The following SASS6 variants were observed in gnomAD, a reference collection of about 807,000 sequenced individuals.
SASS6 encodes spindle assembly abnormal protein 6 homolog.
SASS6 carries 59 observed loss-of-function variants against 94.9 expected under a neutral mutation model. The observed-to-expected ratio is 0.62, with a 90% CI of 0.50 to 0.77. The LOEUF (loss-of-function observed/expected upper bound fraction) is 0.77, where lower values mean the gene tolerates loss of function less well. Among genes scored for constraint, SASS6 ranks in the 30% least tolerant of loss-of-function variants. The probability of loss-of-function intolerance (pLI) is 0.00; values close to 1 mark genes in which losing one functional copy is unlikely to be tolerated. For synonymous variants in SASS6, 264 were observed against 270.0 expected, an observed-to-expected ratio of 0.98 and a Z score of 0.22; for missense variants, 698 against 734.1, an observed-to-expected ratio of 0.95 and a Z score of 0.57.
intron 12 of SASS6, among the ~76,000 whole-genome samples, chr1:100,106,371 T>C (rs1188884929): frequency 6.6e-6 from 1 of 152,188 alleles, no homozygotes; most frequent in African/African-American, 2.4e-5. Context: ...TTCAACAGTT[T>C]TAATTGTGGG....
intron 6 of SASS6, among the ~76,000 whole-genome samples, chr1:100,119,664 A>G (rs1263607115): frequency 1.3e-5 from 2 of 152,206 alleles, no homozygotes; most frequent in African/African-American, 4.8e-5. Flanking sequence ...CTTGGTGTTA[A>G]GCAAGTTCTC....
chr1:100,089,313 A>G (rs1355502675), intron 14 of SASS6, among the ~76,000 whole-genome samples: 4 of 152,154 alleles, frequency 2.6e-5, no homozygotes, highest in Non-Finnish European at 5.9e-5. Flanking sequence ...AGGAACACCA[A>G]AAAAGAGAAC....
At position 100,105,809 on chromosome 1, in the gene SASS6, G is replaced by A. The variant is rs549534444; in HGVS notation, c.1503C>T (p.Ser501=). 7 of 1,613,104 alleles carry A rather than the reference G, an allele frequency of 4.3e-6. No individual in the cohort carries two copies. Among genetic ancestry groups the A allele is most frequent in the Non-Finnish European group, 5.1e-6 (6 of 1,179,512 alleles). The change falls in exon 13 of 17, where the codon AGC becomes AGT. Residue 501 remains serine (S), a synonymous_variant. Transcript: ENST00000287482. ...GPSTTPPAHS[S]SNTIRSGISP... ...AAATTCCACTTCTGATTGTGTTGCTGCTGGAATGTGCAGGCGGAGTAGTAG... is the reference window on the plus strand; with the variant it reads ...AAATTCCACTTCTGATTGTGTTGCTACTGGAATGTGCAGGCGGAGTAGTAG...
At chr1:100,103,226 C>T in intron 13 of SASS6, 143 bp from the exon 14 acceptor site, 1 of 558,726 alleles carries the variant, frequency 1.8e-6, no homozygotes. Context: ...TATCATGCCA[C>T]ACAACTCTGC....
chr1:100,092,473 T>C (rs964789997), intron 14 of SASS6, among the ~76,000 whole-genome samples: 2 of 152,158 alleles, frequency 1.3e-5, no homozygotes, highest in African/African-American at 4.8e-5. Flanking sequence ...GTAGAAGAAC[T>C]TAGAATACCA....
chr1:100,121,224 C>G (rs1374940265), intron 5 of SASS6, among the ~76,000 whole-genome samples, 154 bp downstream of exon 5: 1 of 152,104 alleles, frequency 6.6e-6, no homozygotes, highest in East Asian at 1.9e-4. Flanking sequence ...CCCGACTATA[C>G]CTTGACTAAA....
intron 14 of SASS6, among the ~76,000 whole-genome samples, chr1:100,089,468 A>T (rs577107562): frequency 6.6e-6 from 1 of 152,292 alleles, no homozygotes; most frequent in South Asian, 2.1e-4. Flanking sequence ...CTTGTTGAAA[A>T]TGAATGATAA....
chr1:100,128,867 T>G (rs1654818148), intron 1 of SASS6, among the ~76,000 whole-genome samples: 1 of 152,188 alleles, frequency 6.6e-6, no homozygotes, highest in Non-Finnish European at 1.5e-5. Flanking sequence ...AGCTGTGCTC[T>G]TAAACTATCA....
At chr1:100,100,711 G>A (rs1652414152) in intron 14 of SASS6, among the ~76,000 whole-genome samples, 1 of 152,138 alleles carries the variant, frequency 6.6e-6, no homozygotes, top group South Asian at 2.1e-4. Flanking sequence ...TAAGACATCA[G>A]GAAGATCACA....
At chr1:100,102,181 A>G (rs56804891) in intron 14 of SASS6, among the ~76,000 whole-genome samples, 5,011 of 152,220 alleles carry the variant, frequency 0.033, 298 homozygotes, top group African/African-American at 0.11. Flanking sequence ...AAATATATCA[A>G]GGGTTGGGGG....
chr1:100,115,197 C>T (rs946550326), intron 7 of SASS6, among the ~76,000 whole-genome samples: 2 of 152,016 alleles, frequency 1.3e-5, no homozygotes, highest in Non-Finnish European at 2.9e-5. Flanking sequence ...CTCTTAGAAA[C>T]AGTATGTAAA....
chr1:100,129,041 C>G (rs1029067352), intron 1 of SASS6, among the ~76,000 whole-genome samples: 3 of 151,970 alleles, frequency 2.0e-5, no homozygotes, highest in African/African-American at 7.3e-5. Context: ...GAGTTCAAGA[C>G]CAGCATGGGC....
At chr1:100,087,162 C>T (rs569627222) in intron 15 of SASS6, among the ~76,000 whole-genome samples, 3 of 152,026 alleles carry the variant, frequency 2.0e-5, no homozygotes, top group East Asian at 3.9e-4. Context: ...TTGTATTTTT[C>T]GTAGAGATGG....
At chr1:100,127,167 T>G (rs1200665175) in intron 1 of SASS6, among the ~76,000 whole-genome samples, 1 of 152,226 alleles carries the variant, frequency 6.6e-6, no homozygotes, top group African/African-American at 2.4e-5. Flanking sequence ...AAAATACCTA[T>G]GCACAAGTAC....
At chr1:100,109,040 T>C (rs1033711294) in intron 8 of SASS6, among the ~76,000 whole-genome samples, 2 of 151,846 alleles carry the variant, frequency 1.3e-5, no homozygotes, top group African/African-American at 4.8e-5. Flanking sequence ...TTGGAGGAAA[T>C]ATTTTCATTA....
chr1:100,132,393 G>A (rs1200034272), intron 1 of SASS6, among the ~76,000 whole-genome samples: 1 of 152,162 alleles, frequency 6.6e-6, no homozygotes, highest in East Asian at 1.9e-4. Flanking sequence ...ACCCTGCCAT[G>A]AACTGGCTGT....
intron 15 of SASS6, among the ~76,000 whole-genome samples, chr1:100,086,114 G>A (rs1490001052): frequency 7.1e-6 from 1 of 141,002 alleles, no homozygotes; most frequent in Non-Finnish European, 1.6e-5. Flanking sequence ...GAAAATCTGG[G>A]GGAGAAAGAA....
chr1:100,085,663 A>T (rs768472045), intron 15 of SASS6, 33 bp from the exon 16 acceptor site: 2 of 1,328,030 alleles, frequency 1.5e-6, no homozygotes, highest in Admixed American at 3.5e-5. Context: ...CTTATTTAAC[A>T]AAGTCTTTAT....
At chr1:100,087,453 T>G (rs938634752) in intron 15 of SASS6, among the ~76,000 whole-genome samples, 3 of 152,188 alleles carry the variant, frequency 2.0e-5, no homozygotes, top group African/African-American at 7.2e-5. Context: ...GCCATTAAAT[T>G]TAATAAATAA....
Sources: allele counts gnomAD v4.1 joint callset (sites outside exome capture counted in the v4.1 genomes callset), GRCh38; gene constraint gnomAD v4.1.1; transcripts MANE v1.5; gene names NCBI Gene and HGNC (gene_info 2026-07-23, HGNC 2026-07-21).